The following SLC14A2 variants were observed in gnomAD, a reference collection of about 807,000 sequenced individuals.
SLC14A2 encodes urea transporter 2.
In SLC14A2, 91 loss-of-function variants were observed where a neutral mutation model predicts 104.6. That is an observed-to-expected ratio of 0.87 (90% confidence interval 0.73 to 1.04). The LOEUF (loss-of-function observed/expected upper bound fraction) is 1.04, where lower values mean the gene tolerates loss of function less well. SLC14A2 is among the 50% of genes least tolerant of loss of function. SLC14A2 has a pLI of 0.00. For synonymous variants in SLC14A2, 476 were observed against 466.4 expected (o/e 1.02, Z -0.27); for missense variants, 1,189 against 1,156.0 (o/e 1.03, Z -0.41).
intron 2 of SLC14A2, among the ~76,000 whole-genome samples, chr18:45,561,251 C>T (rs990546282): frequency 6.6e-6 from 1 of 152,042 alleles, no homozygotes; most frequent in African/African-American, 2.4e-5. Flanking sequence ...ACGTGCCTGT[C>T]GGGGAGCCAG....
chr18:45,662,121 G>A (rs1444425150), intron 10 of SLC14A2, among the ~76,000 whole-genome samples: 1 of 152,212 alleles, frequency 6.6e-6, no homozygotes. Flanking sequence ...TGGCCAAGAT[G>A]GTGAAACCCT....
intron 1 of SLC14A2, among the ~76,000 whole-genome samples, chr18:45,437,086 G>A (rs62090756): frequency 1.3e-5 from 2 of 152,190 alleles, no homozygotes; most frequent in Non-Finnish European, 1.5e-5. Context: ...ACACAGGCAC[G>A]TATAGATGTA....
intron 2 of SLC14A2, among the ~76,000 whole-genome samples, chr18:45,583,061 C>G (rs1183539007): frequency 6.6e-6 from 1 of 152,216 alleles, no homozygotes; most frequent in African/African-American, 2.4e-5. Context: ...TCCAATTATC[C>G]TTTGCTGGAA....
chr18:45,432,024 G>T (rs1307493209), intron 1 of SLC14A2, among the ~76,000 whole-genome samples: 4 of 152,164 alleles, frequency 2.6e-5, no homozygotes, highest in Non-Finnish European at 5.9e-5. Flanking sequence ...AGTCAAAGAG[G>T]GAGATGAAAA....
At chr18:45,485,122 C>T (rs1484496958) in intron 2 of SLC14A2, 1 of 152,138 alleles carries the variant, frequency 6.6e-6, no homozygotes, top group Non-Finnish European at 1.5e-5. Context: ...AGGAGATTCG[C>T]TATGATCATA....
upstream of SLC14A2, among the ~76,000 whole-genome samples, chr18:45,612,131 GGAAA>G (rs1186237776): frequency 6.6e-6 from 1 of 152,174 alleles, no homozygotes; most frequent in African/African-American, 2.4e-5. Flanking sequence ...GCCTGGAAAA[GGAAA>G]GATAAAGAGC....
At chr18:45,556,186 T>C (rs1461935200) in intron 2 of SLC14A2, among the ~76,000 whole-genome samples, 2 of 152,208 alleles carry the variant, frequency 1.3e-5, no homozygotes, top group East Asian at 3.9e-4. Context: ...ATTGCATTCA[T>C]GAGTGCTTTC....
intron 2 of SLC14A2, among the ~76,000 whole-genome samples, chr18:45,567,046 T>C (rs2044275693): frequency 2.1e-5 from 3 of 144,424 alleles, no homozygotes; most frequent in Non-Finnish European, 3.0e-5. Context: ...GCTGAGGACA[T>C]GTGCACATAG....
At chr18:45,359,356 C>T (rs1239616682) in intron 1 of SLC14A2, among the ~76,000 whole-genome samples, 2 of 152,174 alleles carry the variant, frequency 1.3e-5, no homozygotes, top group Non-Finnish European at 2.9e-5. Flanking sequence ...CTCCCCAGGG[C>T]AATGGTTCCT....
At chr18:45,505,136 C>G (rs559945177) in intron 2 of SLC14A2, among the ~76,000 whole-genome samples, 1 of 152,078 alleles carries the variant, frequency 6.6e-6, no homozygotes, top group East Asian at 1.9e-4. Context: ...CAAAGCAAAT[C>G]GGAAAGAAAC....
chr18:45,576,940 G>T (rs998321515), intron 2 of SLC14A2, among the ~76,000 whole-genome samples: 2 of 152,170 alleles, frequency 1.3e-5, no homozygotes, highest in African/African-American at 4.8e-5. Context: ...GGGAGGCAGG[G>T]CAAGTAGGTT....
intron 1 of SLC14A2, among the ~76,000 whole-genome samples, chr18:45,366,128 C>CT (rs2085663419): frequency 6.6e-6 from 1 of 152,010 alleles, no homozygotes; most frequent in South Asian, 2.1e-4. Context: ...AGAGTGTGCC[C>CT]TGGAGCAGAA....
chr18:45,236,035 G>A (rs1249909134), intron 1 of SLC14A2, among the ~76,000 whole-genome samples: 1 of 43,704 alleles, frequency 2.3e-5, no homozygotes, highest in South Asian at 6.3e-4. Context: ...ATACATATAT[G>A]TGTGTATATA....
chr18:45,317,124 T>C (rs1165939037), intron 1 of SLC14A2, among the ~76,000 whole-genome samples: 1 of 152,198 alleles, frequency 6.6e-6, no homozygotes, highest in African/African-American at 2.4e-5. Flanking sequence ...ATTGTGGTGT[T>C]GATATTAAAA....
chr18:45,257,952 T>C (rs375842501), intron 1 of SLC14A2, among the ~76,000 whole-genome samples: 2 of 152,172 alleles, frequency 1.3e-5, no homozygotes, highest in East Asian at 3.8e-4. Context: ...TGCTCCCAAA[T>C]GAAGCACTTT....
intron 2 of SLC14A2, among the ~76,000 whole-genome samples, chr18:45,558,611 G>A (rs568013033): frequency 6.6e-6 from 1 of 151,304 alleles, no homozygotes; most frequent in East Asian, 2.0e-4. Context: ...GTCTCACTGG[G>A]GTGGATTAGA....
At chr18:45,263,227 T>A (rs751270011) in intron 1 of SLC14A2, among the ~76,000 whole-genome samples, 2 of 152,188 alleles carry the variant, frequency 1.3e-5, no homozygotes, top group African/African-American at 2.4e-5. Context: ...TGTAGAATAT[T>A]CCTCAATGTG....
At chr18:45,184,469 G>A in the SLC14A2 span, among the ~76,000 whole-genome samples, 1 of 152,260 alleles carries the variant, frequency 6.6e-6, no homozygotes, top group East Asian at 1.9e-4. Flanking sequence ...GAAGTGGCTT[G>A]TGCAGACACA....
intron 2 of SLC14A2, among the ~76,000 whole-genome samples, chr18:45,558,980 G>T (rs539552376): frequency 1.6e-4 from 25 of 152,136 alleles, no homozygotes; most frequent in African/African-American, 5.8e-4. Context: ...TAGTAGAGAC[G>T]GGGTTTCACC....
Sources: allele counts gnomAD v4.1 joint callset (sites outside exome capture counted in the v4.1 genomes callset), GRCh38; gene constraint gnomAD v4.1.1; transcripts MANE v1.5; gene names NCBI Gene and HGNC (gene_info 2026-07-23, HGNC 2026-07-21).